CLASRP: variants seen among roughly 807,000 people sequenced by gnomAD.
CLASRP encodes CLK4-associating serine/arginine rich protein.
CLASRP carries 52 observed loss-of-function variants against 99.9 expected under a neutral mutation model. The observed-to-expected ratio is 0.52, with a 90% CI of 0.42 to 0.66. CLASRP has a LOEUF of 0.66. CLASRP is among the 30% of genes least tolerant of loss of function. The pLI is 0.00. For synonymous variants in CLASRP, 379 were observed against 373.0 expected, an observed-to-expected ratio of 1.02 and a Z score of -0.18; for missense variants, 848 against 999.2, an observed-to-expected ratio of 0.85 and a Z score of 2.04.
chr19:45,053,422 C>G (rs1452004109), intron 5 of CLASRP, among the ~76,000 whole-genome samples: 1 of 152,092 alleles, frequency 6.6e-6, no homozygotes, highest in Non-Finnish European at 1.5e-5. Context: ...CCTTCTGACT[C>G]TGTGGTCCGT....
intron 7 of CLASRP, chr19:45,058,296 TC>T: frequency 1.0e-5 from 2 of 197,130 alleles, no homozygotes; most frequent in South Asian, 1.1e-4. Flanking sequence ...GCCATTCACC[TC>T]CCCTCTGGAT....
At chr19:45,046,825 T>C (rs1971926031) in intron 2 of CLASRP, among the ~76,000 whole-genome samples, 1 of 152,096 alleles carries the variant, frequency 6.6e-6, no homozygotes, top group Non-Finnish European at 1.5e-5. Context: ...GTCAGGAGTT[T>C]GAGACCAGCC....
At chr19:45,069,491 C>T (rs1490075623) in intron 18 of CLASRP, among the ~76,000 whole-genome samples, 1 of 152,206 alleles carries the variant, frequency 6.6e-6, no homozygotes, top group Non-Finnish European at 1.5e-5. Context: ...CCTCCAAGTG[C>T]CAGTCACCTT....
At chr19:45,049,584 A>C (rs1419231291) in intron 2 of CLASRP, among the ~76,000 whole-genome samples, 1 of 152,192 alleles carries the variant, frequency 6.6e-6, no homozygotes, top group Non-Finnish European at 1.5e-5. Context: ...TTCAGCCCGG[A>C]CTGCACCTTC....
chr19:45,047,132 T>C (rs570641749), intron 2 of CLASRP, among the ~76,000 whole-genome samples: 1 of 152,152 alleles, frequency 6.6e-6, no homozygotes, highest in East Asian at 1.9e-4. Context: ...TAAATGTCCA[T>C]TGAGGGATAC....
rs1451404432 is a variant in CLASRP at position 45,059,282 on chromosome 19, G to A, written c.628G>A (p.Val210Met). 6.8e-6 allele frequency: 11 copies of A among 1,610,500 alleles called. No homozygotes were observed. The East Asian group carries it at 8.9e-5, about 13-fold the overall frequency. ...TCTTGGTGCAGACGTGGAGGTGGACGTGGATGAATTGAACCAGGAGCAGGT... is the reference window on the plus strand; with the variant it reads ...TCTTGGTGCAGACGTGGAGGTGGACATGGATGAATTGAACCAGGAGCAGGT... ...VIPDIDVEVD[V>M]DELNQEQVAD... Residue 210 changes from valine (V) to methionine (M), a missense_variant, in exon 8 of 21, where the codon GTG becomes ATG. By Grantham distance (21) the Val-to-Met change is conservative. This residue lies in a region of CLASRP where 119 missense variants were observed against 170.2 expected (regional missense o/e 0.70). Transcript: ENST00000221455.
In CLASRP at chr19:45,067,520, C is replaced by T. The variant is rs1374272470; in HGVS notation, c.1593C>T (p.Ser531=). 5 of 1,599,314 alleles carry T rather than the reference C, an allele frequency of 3.1e-6. No individual in the cohort carries two copies. Among genetic ancestry groups the T allele is most frequent in the Non-Finnish European group, 4.2e-6 (5 of 1,176,706 alleles). The change falls in exon 14 of 21, where the codon AGC becomes AGT. Residue 531 remains serine (S), a synonymous_variant. Transcript: ENST00000221455. The surrounding 1 kb of genome is among the most constrained non-coding windows in gnomAD (Gnocchi z 4.9). ...GCCGCAGCCGCAGCCGCAGCCAGAG[C>T]CCCTCGCCATCACCCGCAAGAGAGA... is the stretch of plus-strand genomic sequence containing the variant. ...SRSRSRSRSQ[S]PSPSPAREKL...
At chr19:45,070,136 G>A (rs759616271) in intron 19 of CLASRP, 32 bp downstream of exon 19, 33 of 1,343,100 alleles carry the variant, frequency 2.5e-5, no homozygotes, top group Non-Finnish European at 3.4e-5. Flanking sequence ...CAGGGCTCTG[G>A]GGCTTTAAAG....
intron 7 of CLASRP, 111 bp from the exon 8 acceptor site, chr19:45,059,157 G>T (rs1966884623): frequency 2.4e-6 from 2 of 848,778 alleles, no homozygotes; most frequent in Non-Finnish European, 3.9e-6. Context: ...CCTTCCTGAA[G>T]AATCCCTCAG....
intron 7 of CLASRP, 174 bp downstream of exon 7, chr19:45,058,072 C>T (rs1384802811): frequency 2.4e-5 from 17 of 722,344 alleles, no homozygotes; most frequent in African/African-American, 1.1e-4. Context: ...TCCTCCGTTC[C>T]GGCCTTCCTC....
At chr19:45,057,710 C>T (rs1335019462) in intron 6 of CLASRP, 40 bp from the exon 7 acceptor site, 26 of 1,611,116 alleles carry the variant, frequency 1.6e-5, no homozygotes, top group Non-Finnish European at 2.1e-5. Flanking sequence ...CCCTCATCTC[C>T]ACTGGGCACG....
chr19:45,050,279 A>AAATC, intron 2 of CLASRP, among the ~76,000 whole-genome samples: 10 of 152,156 alleles, frequency 6.6e-5, no homozygotes, highest in Admixed American at 1.3e-4. Context: ...ACCAGACTGC[A>AAATC]TCCACACATT....
chr19:45,046,977 A>G (rs529265334), intron 2 of CLASRP, among the ~76,000 whole-genome samples: 1 of 152,308 alleles, frequency 6.6e-6, no homozygotes, highest in East Asian at 1.9e-4. Flanking sequence ...TGGTTAGCCT[A>G]GATCACGCCA....
At chr19:45,063,436 CTTTTTTTTTTTTT>C (rs565600159) in intron 11 of CLASRP, among the ~76,000 whole-genome samples, 5 of 42,348 alleles carry the variant, frequency 1.2e-4, no homozygotes, top group East Asian at 1.8e-3. Context: ...ATCTGCTTAT[CTTTTTTTTTTTTT>C]TTTTTTTTTT....
Position 45,062,175 on chromosome 19 carries a change from C to A in CLASRP, c.885C>A (p.Pro295=). The A allele has an allele frequency of 6.4e-7, 1 of 1,551,124 alleles. No individual in the cohort carries two copies. The highest frequency in any genetic ancestry group is 8.9e-7 in the Non-Finnish European group (1 of 1,122,734). ...SPPSYARRDS[P]TYDPYKRSPS... ...GTAGCTATGCCCGCCGAGACAGCCCCACCTATGACCCCTATAAGCGGTAAG... is the reference window on the plus strand; with the variant it reads ...GTAGCTATGCCCGCCGAGACAGCCCAACCTATGACCCCTATAAGCGGTAAG... The change falls in exon 11 of 21, where the codon CCC becomes CCA. Residue 295 remains proline (P), a synonymous_variant. Transcript: ENST00000221455.
chr19:45,062,583 G>A (rs1260469839), intron 11 of CLASRP, among the ~76,000 whole-genome samples: 1 of 152,092 alleles, frequency 6.6e-6, no homozygotes, highest in Non-Finnish European at 1.5e-5. Context: ...GGGTTTCACC[G>A]TGTTAGCCAG....
chr19:45,056,529 G>T lies in CLASRP; in HGVS notation c.459G>T (p.Lys153Asn). ...TCCAGAGACCCAGCGAAGATGAGAA[G>T]AAGAAGTGAGTCGGGGTCTGGGGTG... ...GGLQRPSEDE[K>N]KKLAEKKASI... Residue 153 changes from lysine to asparagine, a missense_variant, in exon 6 of 21, where the codon AAG becomes AAT. Coordinates refer to ENST00000221455, the MANE Select transcript of CLASRP (RefSeq NM_007056.3). 6.2e-7 allele frequency: 1 copy of T among 1,613,594 alleles called. No individual in the cohort carries two copies. Among genetic ancestry groups the T allele is most frequent in the South Asian group, 1.1e-5 (1 of 91,056 alleles).
Position 45,068,008 on chromosome 19 carries a change from C to A in CLASRP, c.1668-7C>A, listed in dbSNP as rs367605480. The A allele has an allele frequency of 3.1e-6, 5 of 1,611,248 alleles. No individual in the cohort carries two copies. The African/African-American group carries it at 4.0e-5, about 13-fold the overall frequency. On this transcript the variant is annotated splice_region_variant and splice_polypyrimidine_tract_variant and intron_variant, in intron 14 of 20. Transcript: ENST00000221455. Reference sequence around the variant, plus strand: ...CAACCATGTCCTCTGGCCCTGCCCCCACCCAGGACCGAACCTGCCGCTGGT... The same window carrying A: ...CAACCATGTCCTCTGGCCCTGCCCCAACCCAGGACCGAACCTGCCGCTGGT...
At chr19:45,050,474 C>T (rs1276730467) in intron 2 of CLASRP, among the ~76,000 whole-genome samples, 2 of 152,112 alleles carry the variant, frequency 1.3e-5, no homozygotes, top group East Asian at 2.0e-4. Context: ...CACCTGAGGT[C>T]GAGAGTTCAA....
Sources: allele counts gnomAD v4.1 joint callset (sites outside exome capture counted in the v4.1 genomes callset), GRCh38; gene constraint gnomAD v4.1.1; regional missense constraint gnomAD v4.1.1; non-coding constraint Gnocchi (gnomAD v3.1); transcripts MANE v1.5; gene names NCBI Gene and HGNC (gene_info 2026-07-23, HGNC 2026-07-21).